Variants in SOX5 observed in about 807,000 individuals in gnomAD.
SOX5 encodes the protein transcription factor SOX-5.
A neutral mutation model predicts 92.0 loss-of-function variants in SOX5; 9 were observed. The observed-to-expected ratio is 0.10, with a 90% CI of 0.06 to 0.17. The LOEUF (loss-of-function observed/expected upper bound fraction) is 0.17, where lower values mean the gene tolerates loss of function less well. SOX5 is among the 10% of genes least tolerant of loss of function. SOX5 has a pLI of 1.00. For synonymous variants in SOX5, 344 were observed against 336.3 expected, an observed-to-expected ratio of 1.02 and a Z score of -0.25; for missense variants, 642 against 944.5, an observed-to-expected ratio of 0.68 and a Z score of 4.20.
At chr12:23,667,423 C>T (rs901103609) in intron 6 of SOX5, among the ~76,000 whole-genome samples, 4 of 152,054 alleles carry the variant, frequency 2.6e-5, no homozygotes, top group Admixed American at 2.6e-4. Context: ...TTTTATAGAT[C>T]AGATTATGAA....
intron 4 of SOX5, among the ~76,000 whole-genome samples, chr12:24,175,639 G>C (rs1954724885): frequency 6.6e-6 from 1 of 152,150 alleles, no homozygotes; most frequent in African/African-American, 2.4e-5. Context: ...GTGTATATCT[G>C]TAGATCTATA....
chr12:23,834,899 A>G (rs2096388061), intron 3 of SOX5, among the ~76,000 whole-genome samples: 1 of 151,934 alleles, frequency 6.6e-6, no homozygotes, highest in Admixed American at 6.6e-5. Context: ...GAAGGTGACA[A>G]AGACATGAAT....
rs1354880659 is a variant in SOX5, at chr12:24,538,257, G to T, written c.-251+24072C>A. On this transcript the variant is annotated intron_variant, in intron 1 of 4. Coordinates refer to the SOX5 transcript ENST00000446891. ...TCCTCATGCTAATCCCAGCTTGGGT[G>T]GCTGTTCTTAAGGGAAAGCATTCAA... Among the ~76,000 whole-genome samples, 3 of 152,122 alleles carry T rather than the reference G, an allele frequency of 2.0e-5. No homozygotes were observed. In the East Asian group the frequency reaches 5.8e-4, roughly 29 times the overall value.
chr12:24,081,676 G>A (rs1282523100), intron 4 of SOX5, among the ~76,000 whole-genome samples: 1 of 151,868 alleles, frequency 6.6e-6, no homozygotes, highest in Non-Finnish European at 1.5e-5. Flanking sequence ...TGCACGGAAC[G>A]TCACCCTTTT....
At chr12:24,331,026 C>T (rs1951247823) in intron 2 of SOX5, among the ~76,000 whole-genome samples, 1 of 152,086 alleles carries the variant, frequency 6.6e-6, no homozygotes, top group Non-Finnish European at 1.5e-5. Flanking sequence ...AGCTCCAGCA[C>T]AGGAGTTACT....
chr12:24,551,507 T>C (rs982339458), intron 1 of SOX5, among the ~76,000 whole-genome samples: 6 of 152,240 alleles, frequency 3.9e-5, no homozygotes, highest in African/African-American at 1.4e-4. Flanking sequence ...TAAATGCTTT[T>C]TTCCCCTGTC....
intron 1 of SOX5, among the ~76,000 whole-genome samples, chr12:24,405,335 A>G (rs1817706794): frequency 6.6e-6 from 1 of 152,114 alleles, no homozygotes; most frequent in Admixed American, 6.5e-5. Context: ...CATTTCCTTG[A>G]ATCTTGCTTC....
At chr12:23,793,574 C>T (rs1441513136) in intron 3 of SOX5, among the ~76,000 whole-genome samples, 4 of 152,150 alleles carry the variant, frequency 2.6e-5, no homozygotes, top group Non-Finnish European at 5.9e-5. Context: ...TGCCTTTCTG[C>T]AGAATTTGCT....
At chr12:23,967,289 A>G (rs1353854551) in intron 4 of SOX5, among the ~76,000 whole-genome samples, 1 of 152,164 alleles carries the variant, frequency 6.6e-6, no homozygotes, top group Non-Finnish European at 1.5e-5. Context: ...TAGATGCATT[A>G]CAGCATGAAA....
At chr12:24,118,065 CAG>C (rs1042234344) in intron 4 of SOX5, among the ~76,000 whole-genome samples, 7 of 125,268 alleles carry the variant, frequency 5.6e-5, no homozygotes, top group African/African-American at 2.1e-4. Flanking sequence ...CTCACAGAAA[CAG>C]AGAGTAGAAA....
rs144544239 is a variant in SOX5, at chr12:24,299,387, C to T, written c.-173-22075G>A. Reference sequence around the variant, plus strand: ...ATGAAGGTGTTTACAATGTATCTCTCATTCTTGATATCCAGCCCGGTGAGA... The same window carrying T: ...ATGAAGGTGTTTACAATGTATCTCTTATTCTTGATATCCAGCCCGGTGAGA... On this transcript the variant is annotated intron_variant, in intron 2 of 4. Coordinates refer to the SOX5 transcript ENST00000446891. 5.9e-5 allele frequency among the ~76,000 whole-genome samples: 9 copies of T among 152,218 alleles called. 1 individual carries two copies. In the East Asian group the frequency reaches 1.7e-3, roughly 29 times the overall value.
chr12:24,002,243 CAA>C (rs1428837466), intron 4 of SOX5, among the ~76,000 whole-genome samples: 6 of 150,952 alleles, frequency 4.0e-5, no homozygotes, highest in African/African-American at 9.8e-5. Flanking sequence ...AATAGTAAAA[CAA>C]GAGAGAAAAA....
chr12:23,977,099 T>G (rs905565608), intron 4 of SOX5, among the ~76,000 whole-genome samples: 10 of 152,172 alleles, frequency 6.6e-5, no homozygotes, highest in African/African-American at 1.7e-4. Context: ...TACTTCGGGA[T>G]AGAAACTAGA....
chr12:23,900,715 C>T (rs988641330), intron 1 of SOX5, among the ~76,000 whole-genome samples: 7 of 152,100 alleles, frequency 4.6e-5, no homozygotes, highest in East Asian at 3.9e-4. Context: ...GTGACTCATG[C>T]CTGTAATCCC....
intron 1 of SOX5, among the ~76,000 whole-genome samples, chr12:24,550,706 T>G (rs1418542862): frequency 2.0e-5 from 3 of 152,218 alleles, no homozygotes; most frequent in African/African-American, 7.2e-5. Context: ...TAGCATCAGA[T>G]TCTGAAATTA....
chr12:24,420,118 T>C (rs1046139726), intron 1 of SOX5, among the ~76,000 whole-genome samples: 1 of 152,236 alleles, frequency 6.6e-6, no homozygotes, highest in African/African-American at 2.4e-5. Flanking sequence ...ACTAACATGA[T>C]TTTAAATACC....
intron 8 of SOX5, among the ~76,000 whole-genome samples, chr12:23,623,613 G>C (rs1183550794): frequency 2.0e-5 from 3 of 151,826 alleles, no homozygotes; most frequent in Non-Finnish European, 4.4e-5. Context: ...TATTATCTAG[G>C]AATCAATTCT....
intron 3 of SOX5, among the ~76,000 whole-genome samples, chr12:23,767,651 G>A (rs12302934): frequency 0.027 from 4,159 of 151,952 alleles, 188 homozygotes; most frequent in African/African-American, 0.094. Context: ...TAAAACCATC[G>A]GTGAGTAATA....
chr12:23,892,865 T>C (rs558680444), intron 2 of SOX5, among the ~76,000 whole-genome samples: 6 of 152,302 alleles, frequency 3.9e-5, no homozygotes, highest in South Asian at 4.1e-4. Context: ...TGCTGACATA[T>C]AGAAAAATTC....
Sources: gnomAD v4.1 joint callset for allele counts (sites outside exome capture counted in the v4.1 genomes callset) on GRCh38, gnomAD v4.1.1 for gene constraint, MANE v1.5 for transcripts, NCBI Gene and HGNC (gene_info 2026-07-23, HGNC 2026-07-21) for gene names.